ME1: variants seen among roughly 807,000 people sequenced by gnomAD.
ME1 encodes the protein malic enzyme 1.
Under a neutral mutation model 66.4 loss-of-function variants are expected in ME1, and 74 were observed. The observed-to-expected ratio is 1.11, with a 90% CI of 0.92 to 1.35. The LOEUF is 1.35. Among genes scored for constraint, ME1 ranks in the 40% most tolerant of loss-of-function variants. ME1 has a pLI of 0.00. For synonymous variants in ME1, 251 were observed against 235.6 expected (o/e 1.07, Z -0.60); for missense variants, 750 against 694.1 (o/e 1.08, Z -0.90).
At chr6:83,323,465 C>T (rs1170340) in intron 5 of ME1, among the ~76,000 whole-genome samples, 4 of 151,106 alleles carry the variant, frequency 2.6e-5, no homozygotes, top group Non-Finnish European at 4.4e-5. Flanking sequence ...GAAGATTTAC[C>T]AAGCAAATGG....
chr6:83,348,813 C>G (rs1030803171), intron 4 of ME1, among the ~76,000 whole-genome samples: 6 of 151,474 alleles, frequency 4.0e-5, no homozygotes, highest in African/African-American at 1.5e-4. Flanking sequence ...CATGGCAAAA[C>G]CCCGTTTCTA....
chr6:83,217,093 A>G (rs548333468), intron 12 of ME1, among the ~76,000 whole-genome samples: 1 of 152,326 alleles, frequency 6.6e-6, no homozygotes, highest in Admixed American at 6.5e-5. Context: ...TTTTAATTTT[A>G]CACAGACTCT....
chr6:83,275,350 AAAT>A lies in ME1; in HGVS notation c.705-21615_705-21613del, dbSNP rs142521561. On this transcript the variant is annotated intron_variant, in intron 6 of 13. Coordinates refer to ENST00000369705, the MANE Select transcript of ME1 (RefSeq NM_002395.6). ...CTCAGTCTCAAACAAAGAAACAAAC[AAAT>A]AATAATAATAATAATAATAATAAAC... Among the ~76,000 whole-genome samples, 1,472 of 150,088 alleles carry A rather than the reference AAAT, an allele frequency of 9.8e-3. 11 individuals are homozygous for A. Among genetic ancestry groups the A allele is most frequent in the Non-Finnish European group, 0.011 (725 of 67,524 alleles).
chr6:83,229,540 C>T lies in ME1; in HGVS notation c.1027-609G>A, dbSNP rs544298178. On this transcript the variant is annotated intron_variant, in intron 9 of 13. Coordinates refer to ENST00000369705, the MANE Select transcript of ME1 (RefSeq NM_002395.6). ...GATCACTGCCTAATTTTATATGGTA[C>T]TTGATGACTTACAAGTTGTTTTCAC... Among the ~76,000 whole-genome samples the T allele has an allele frequency of 3.9e-5, 6 of 152,230 alleles. No individual in the cohort carries two copies. The East Asian group carries it at 7.7e-4, about 20-fold the overall frequency.
At chr6:83,298,931 G>A (rs1254935892) in intron 6 of ME1, among the ~76,000 whole-genome samples, 2 of 22,458 alleles carry the variant, frequency 8.9e-5, no homozygotes, top group African/African-American at 3.8e-4. Context: ...CTATGTGTCT[G>A]TTTTTTTTTT....
chr6:83,414,264 C>A (rs903578839), intron 1 of ME1, among the ~76,000 whole-genome samples: 3 of 151,796 alleles, frequency 2.0e-5, no homozygotes, highest in Admixed American at 2.0e-4. Context: ...ACTTTGAATG[C>A]ATTTAACTAT....
At chr6:83,420,518 AC>A (rs1207671843) in intron 1 of ME1, among the ~76,000 whole-genome samples, 1 of 152,158 alleles carries the variant, frequency 6.6e-6, no homozygotes, top group African/African-American at 2.4e-5. Flanking sequence ...TAGTTAACTC[AC>A]TTTTATTTTG....
intron 5 of ME1, among the ~76,000 whole-genome samples, chr6:83,322,933 C>A (rs1056563541): frequency 6.6e-6 from 1 of 152,188 alleles, no homozygotes; most frequent in African/African-American, 2.4e-5. Context: ...CAAAGGGAAG[C>A]CCATCAGACT....
intron 6 of ME1, among the ~76,000 whole-genome samples, chr6:83,287,218 A>G (rs1423066636): frequency 6.6e-6 from 1 of 152,168 alleles, no homozygotes; most frequent in Non-Finnish European, 1.5e-5. Flanking sequence ...GTTTTGTTAC[A>G]TAGGTATACA....
chr6:83,238,696 C>G (rs1295557483), intron 8 of ME1, among the ~76,000 whole-genome samples: 1 of 151,298 alleles, frequency 6.6e-6, no homozygotes, highest in Non-Finnish European at 1.5e-5. Flanking sequence ...TATCTAAAAA[C>G]AAGCAAAATG....
chr6:83,264,410 A>G (rs1225043138), intron 6 of ME1, among the ~76,000 whole-genome samples: 2 of 152,210 alleles, frequency 1.3e-5, no homozygotes, highest in Non-Finnish European at 2.9e-5. Context: ...GAGGCAATTT[A>G]AACTTTCAAG....
At chr6:83,213,508 G>A (rs1789937699) in intron 13 of ME1, among the ~76,000 whole-genome samples, 1 of 151,978 alleles carries the variant, frequency 6.6e-6, no homozygotes, top group Non-Finnish European at 1.5e-5. Flanking sequence ...GGGTTAACAG[G>A]CTCCTGCCAC....
At chr6:83,422,210 T>C (rs957474118) in intron 1 of ME1, among the ~76,000 whole-genome samples, 1 of 152,208 alleles carries the variant, frequency 6.6e-6, no homozygotes, top group Non-Finnish European at 1.5e-5. Flanking sequence ...CATAGACTAC[T>C]GCACAGATCC....
chr6:83,351,176 C>T (rs998400456), intron 4 of ME1, among the ~76,000 whole-genome samples: 2 of 151,962 alleles, frequency 1.3e-5, no homozygotes, highest in South Asian at 2.1e-4. Flanking sequence ...AGGAGGACTG[C>T]GTGAGGTCAG....
intron 3 of ME1, among the ~76,000 whole-genome samples, chr6:83,363,407 A>G: frequency 6.6e-6 from 1 of 152,172 alleles, no homozygotes; most frequent in Non-Finnish European, 1.5e-5. Flanking sequence ...CTACTCCACA[A>G]TGGCGGTAAG....
intron 3 of ME1, among the ~76,000 whole-genome samples, chr6:83,377,808 A>T (rs1187374776): frequency 6.6e-6 from 1 of 151,958 alleles, no homozygotes; most frequent in African/African-American, 2.4e-5. Context: ...AAAAACAAAG[A>T]CTCAAATTAT....
rs757824459 is a variant in ME1, at chr6:83,253,731, T to C, written c.712A>G (p.Met238Val). Residue 238 changes from methionine (M) to valine (V), a missense_variant, in exon 7 of 14, where the codon ATG becomes GTG. Transcript: ENST00000369705. ...TCTTCAAACTGAATAAGGCAATTCA[T>C]GCCATACCTATGGGACAAAAACATT... The part of the protein sequence containing the change: ...FMEAVSSKYG[M>V]NCLIQFEDFA... The C allele has an allele frequency of 1.3e-6, 2 of 1,573,050 alleles. No individual in the cohort carries two copies. The highest frequency in any genetic ancestry group is 1.7e-6 in the Non-Finnish European group (2 of 1,144,014).
At chr6:83,292,559 A>G (rs776487678) in intron 6 of ME1, among the ~76,000 whole-genome samples, 22 of 152,208 alleles carry the variant, frequency 1.4e-4, no homozygotes, top group Non-Finnish European at 2.4e-4. Context: ...GGTGTCTCCC[A>G]GTCAGGCTAC....
In ME1 at chr6:83,393,365, A is replaced by G. The variant is rs550502556; in HGVS notation, c.362+5002T>C. ...TATGACAATGAATTTGGCTGCAGCA[A>G]CAGGGTGGTGGACCTCTGCCCACAG... On this transcript the variant is annotated intron_variant, in intron 3 of 13. Coordinates refer to ENST00000369705, the MANE Select transcript of ME1 (RefSeq NM_002395.6). The G allele has an allele frequency of 1.7e-4, 152 of 885,630 alleles. No individual in the cohort carries two copies. In the South Asian group the frequency reaches 2.0e-3, roughly 12 times the overall value. The allele number at this position is 885,630 out of a possible 1,614,324, so 54.9% of individuals were successfully genotyped here. A position where few individuals can be genotyped will look rare whatever the true frequency, so the allele number is the denominator to read the frequency against.
Sources: allele counts gnomAD v4.1 joint callset (sites outside exome capture counted in the v4.1 genomes callset), GRCh38; gene constraint gnomAD v4.1.1; transcripts MANE v1.5; gene names NCBI Gene and HGNC (gene_info 2026-07-23, HGNC 2026-07-21).